The following UPF2 variants were observed in gnomAD, a reference collection of about 807,000 sequenced individuals.
UPF2 encodes regulator of nonsense transcripts 2.
A neutral mutation model predicts 141.4 loss-of-function variants in UPF2; 17 were observed. The observed-to-expected ratio is 0.12, with a 90% CI of 0.08 to 0.18. The LOEUF (loss-of-function observed/expected upper bound fraction) is 0.18, where lower values mean the gene tolerates loss of function less well. Among genes scored for constraint, UPF2 ranks in the 10% least tolerant of loss-of-function variants. The pLI, the probability that UPF2 is intolerant of heterozygous loss-of-function variation, is 1.00. For missense variants in UPF2, 1,152 were observed against 1,515.9 expected (o/e 0.76, Z 3.99); for synonymous variants, 540 against 498.0 (o/e 1.08, Z -1.12).
chr10:12,036,067 TAGTTAA>T (rs1834620271), intron 1 of UPF2, among the ~76,000 whole-genome samples: 1 of 151,902 alleles, frequency 6.6e-6, no homozygotes, highest in South Asian at 2.1e-4. Flanking sequence ...TCATCTGTAT[TAGTTAA>T]AGTTAATTTA....
chr10:12,024,879 A>G (rs1373838351), intron 3 of UPF2, among the ~76,000 whole-genome samples: 1 of 136,390 alleles, frequency 7.3e-6, no homozygotes, highest in African/African-American at 2.7e-5. Flanking sequence ...GGCTACACTG[A>G]GCCATGATCA....
At chr10:12,018,320 C>T (rs981743212) in intron 3 of UPF2, among the ~76,000 whole-genome samples, 1 of 152,108 alleles carries the variant, frequency 6.6e-6, no homozygotes, top group Non-Finnish European at 1.5e-5. Context: ...CTATGGCTCA[C>T]ACCTGTAATC....
intron 4 of UPF2, among the ~76,000 whole-genome samples, chr10:12,013,637 G>T (rs1451324540): frequency 2.0e-5 from 3 of 152,032 alleles, no homozygotes; most frequent in Non-Finnish European, 2.9e-5. Context: ...TATTACACAA[G>T]AACCTGAATG....
intron 3 of UPF2, 89 bp downstream of exon 3, chr10:12,028,656 A>G: frequency 1.5e-6 from 2 of 1,372,840 alleles, no homozygotes; most frequent in African/African-American, 2.9e-5. Context: ...CCTTTTCCAT[A>G]AGTTCTTTCA....
rs558138401 is a variant in UPF2, at chr10:11,953,614, G to A, written c.2851-1365C>T. 6.7e-4 allele frequency among the ~76,000 whole-genome samples: 102 copies of A among 152,278 alleles called. No homozygotes were observed. The Middle Eastern group carries it at 0.02, about 30-fold the overall frequency. On this transcript the variant is annotated intron_variant, in intron 14 of 21. Coordinates refer to ENST00000357604, the MANE Select transcript of UPF2 (RefSeq NM_015542.4). The surrounding 1 kb of genome is among the most constrained non-coding windows in gnomAD (Gnocchi z 5.0). Reference sequence around the variant, plus strand: ...TCAGCCTAAGATGTCAGAGTGAATCGAAAGGATTCTCTTCTGAGAGAGATT... The same window carrying A: ...TCAGCCTAAGATGTCAGAGTGAATCAAAAGGATTCTCTTCTGAGAGAGATT...
At chr10:11,941,285 C>T (rs1380698768) in intron 18 of UPF2, among the ~76,000 whole-genome samples, 5 of 152,208 alleles carry the variant, frequency 3.3e-5, no homozygotes, top group African/African-American at 1.2e-4. Flanking sequence ...AAACTATTCT[C>T]TCCTCCAAGG....
At chr10:11,952,763 T>C (rs1833094524) in intron 14 of UPF2, among the ~76,000 whole-genome samples, 2 of 152,042 alleles carry the variant, frequency 1.3e-5, no homozygotes, top group South Asian at 4.1e-4. Flanking sequence ...TGTGAGCCAC[T>C]GCGCCCGGCC....
chr10:11,975,361 G>A (rs531044529), intron 9 of UPF2, among the ~76,000 whole-genome samples: 2 of 152,280 alleles, frequency 1.3e-5, no homozygotes, highest in Admixed American at 1.3e-4. Flanking sequence ...AATTCCTCAT[G>A]TTCCCACCAT....
chr10:11,984,894 G>A (rs569982079), intron 8 of UPF2, among the ~76,000 whole-genome samples: 1 of 152,182 alleles, frequency 6.6e-6, no homozygotes, highest in East Asian at 1.9e-4. Context: ...TGTATTTTTA[G>A]TAGAGACAGG....
intron 15 of UPF2, among the ~76,000 whole-genome samples, chr10:11,950,427 G>C (rs936025938): frequency 6.6e-6 from 1 of 152,146 alleles, no homozygotes; most frequent in African/African-American, 2.4e-5. Context: ...ATGGAGACTT[G>C]GGAGTGCACT....
At chr10:11,982,771 C>CG (rs1833620497) in intron 8 of UPF2, among the ~76,000 whole-genome samples, 1 of 152,154 alleles carries the variant, frequency 6.6e-6, no homozygotes. Context: ...CAGGCATGCA[C>CG]CACCACACCC....
chr10:11,964,696 T>C (rs942525794), intron 10 of UPF2, among the ~76,000 whole-genome samples: 1 of 152,226 alleles, frequency 6.6e-6, no homozygotes, highest in Non-Finnish European at 1.5e-5. Context: ...TTGCAAAGTA[T>C]ATAGTGCTAC....
chr10:11,921,453 G>GA lies in UPF2; in HGVS notation c.3810-147dup. 1 of 834,212 alleles carries GA rather than the reference G, an allele frequency of 1.2e-6. No homozygotes were observed. The allele number at this position is 834,212 out of a possible 1,614,324, so 51.7% of individuals were successfully genotyped here. On this transcript the variant is annotated intron_variant, in intron 21 of 21. Coordinates refer to ENST00000357604, the MANE Select transcript of UPF2 (RefSeq NM_015542.4). This position sits in a 1 kb window ranked among gnomAD's most constrained non-coding sequence, Gnocchi z 5.9. Reference sequence around the variant, plus strand: ...GGCATCTGCGGGTTCCACATCCATGGACCAAAAATATTCGGGGGAAAAAAA... The same window carrying GA: ...GGCATCTGCGGGTTCCACATCCATGGAACCAAAAATATTCGGGGGAAAAAAA...
chr10:11,952,290 G>A lies in UPF2; in HGVS notation c.2851-41C>T, dbSNP rs9663803. The A allele has an allele frequency of 3.2e-4, 481 of 1,497,114 alleles. 3 individuals are homozygous for A. In the African/African-American group the frequency reaches 5.4e-3, roughly 17 times the overall value. The allele number at this position is 1,497,114 out of a possible 1,614,324, so 92.7% of individuals were successfully genotyped here. ...AAATAAATTTAGCTATAAGAAATTA[G>A]TAACAAAATATTTTAAAATAATAAA... On this transcript the variant is annotated intron_variant, in intron 14 of 21. Coordinates refer to ENST00000357604, the MANE Select transcript of UPF2 (RefSeq NM_015542.4).
intron 12 of UPF2, among the ~76,000 whole-genome samples, chr10:11,957,427 T>C (rs1833170412): frequency 6.6e-6 from 1 of 151,704 alleles, no homozygotes; most frequent in Non-Finnish European, 1.5e-5. Flanking sequence ...AGACTCCATC[T>C]CAAACAAAAA....
At position 12,035,169 on chromosome 10, in the gene UPF2, T is replaced by G. The variant is rs1284035082; in HGVS notation, c.255A>C (p.Glu85Asp). 6.2e-7 allele frequency: 1 copy of G among 1,608,920 alleles called. No homozygotes were observed. Among genetic ancestry groups the G allele is most frequent in the African/African-American group, 1.3e-5 (1 of 74,326 alleles). ...KDEEKVKAEEESKKKEEEEKK... is the reference protein window; with the variant it reads ...KDEEKVKAEEDSKKKEEEEKK... ...TTTCTTCCTCTTCTTTTTTCTTTGA[T>G]TCTTCCTCTGCCTTCACCTTTTCTT... The change falls in exon 2 of 22, where the codon GAA becomes GAC. Residue 85 changes from glutamate (E) to aspartate (D), a missense_variant. Transcript: ENST00000357604.
chr10:11,990,237 A>G (rs1833757082), intron 8 of UPF2, among the ~76,000 whole-genome samples: 1 of 152,220 alleles, frequency 6.6e-6, no homozygotes, highest in South Asian at 2.1e-4. Flanking sequence ...TTGTTTCTCT[A>G]TAGTTTGACC....
chr10:12,000,305 G>C (rs1833931821), intron 6 of UPF2, among the ~76,000 whole-genome samples: 1 of 152,148 alleles, frequency 6.6e-6, no homozygotes, highest in Middle Eastern at 3.2e-3. Flanking sequence ...TGTCTGCCCA[G>C]CATCCCTTCC....
chr10:11,998,242 G>T lies in UPF2; in HGVS notation c.1759-485C>A, dbSNP rs994976250. On this transcript the variant is annotated intron_variant, in intron 7 of 21. Coordinates refer to ENST00000357604, the MANE Select transcript of UPF2 (RefSeq NM_015542.4). This position sits in a 1 kb window ranked among gnomAD's most constrained non-coding sequence, Gnocchi z 4.5. ...GACCAACCCTTGTTTCTCTTCACAA[G>T]TGCAGGAAATGGCGCTCTCTCTCTC... Among the ~76,000 whole-genome samples the T allele has an allele frequency of 6.6e-6, 1 of 152,118 alleles. No individual in the cohort carries two copies. Among genetic ancestry groups the T allele is most frequent in the African/African-American group, 2.4e-5 (1 of 41,412 alleles).
Sources: allele counts gnomAD v4.1 joint callset (sites outside exome capture counted in the v4.1 genomes callset), GRCh38; gene constraint gnomAD v4.1.1; non-coding constraint Gnocchi (gnomAD v3.1); transcripts MANE v1.5; gene names NCBI Gene and HGNC (gene_info 2026-07-23, HGNC 2026-07-21).